SHC3: variants seen among roughly 807,000 people sequenced by gnomAD.
The protein encoded by SHC3 is SHC-transforming protein 3.
A neutral mutation model predicts 60.4 loss-of-function variants in SHC3; 15 were observed. The ratio of observed to expected loss-of-function variants is 0.25; its 90% confidence interval spans 0.17 to 0.38. The LOEUF (loss-of-function observed/expected upper bound fraction) is 0.38, where lower values mean the gene tolerates loss of function less well. Ranked by LOEUF, SHC3 falls within the 10% of genes least tolerant of loss-of-function variation. The probability of loss-of-function intolerance (pLI) is 1.00; values close to 1 mark genes in which losing one functional copy is unlikely to be tolerated. For missense variants in SHC3, 677 were observed against 786.1 expected (o/e 0.86, Z 1.66); for synonymous variants, 294 against 325.9 (o/e 0.90, Z 1.05).
At chr9:89,035,229 C>T (rs1444975973) in intron 11 of SHC3, among the ~76,000 whole-genome samples, 11 of 152,190 alleles carry the variant, frequency 7.2e-5, no homozygotes, top group African/African-American at 4.8e-5. Flanking sequence ...GTCAGCCCCA[C>T]GACCTGGCGT....
Position 89,006,863 on chromosome 9 carries a change from G to A in SHC3, c.*6584C>T, listed in dbSNP as rs1825947804. ...TTTAAAGACGGATTTATCCATTAAT[G>A]CCTGTTTTAATTGTCACTTGATTTT... is the stretch of plus-strand genomic sequence containing the variant. On this transcript the variant is annotated 3_prime_UTR_variant, in exon 12 of 12. Coordinates refer to ENST00000375835, the MANE Select transcript of SHC3 (RefSeq NM_016848.6). 6.6e-6 allele frequency: 1 copy of A among 152,148 alleles called. No homozygotes were observed. Among genetic ancestry groups the A allele is most frequent in the Non-Finnish European group, 1.5e-5 (1 of 68,030 alleles). 9.4% of individuals were successfully genotyped at this position (152,148 alleles called of 1,614,324 possible).
chr9:89,132,430 A>G (rs1458567516), intron 1 of SHC3, among the ~76,000 whole-genome samples: 1 of 152,214 alleles, frequency 6.6e-6, no homozygotes, highest in Non-Finnish European at 1.5e-5. Flanking sequence ...ATATGGAACC[A>G]AAAAAGAGCC....
At chr9:89,105,807 C>T (rs1298735778) in intron 2 of SHC3, among the ~76,000 whole-genome samples, 1 of 152,128 alleles carries the variant, frequency 6.6e-6, no homozygotes. Flanking sequence ...TGCCACATCA[C>T]CACATATTTT....
intron 1 of SHC3, among the ~76,000 whole-genome samples, chr9:89,169,089 C>T (rs1323896531): frequency 1.3e-5 from 2 of 152,214 alleles, no homozygotes; most frequent in African/African-American, 2.4e-5. Context: ...TATAATAAAT[C>T]TCTTTTTTAA....
chr9:89,068,716 G>T (rs895729506), intron 5 of SHC3, among the ~76,000 whole-genome samples: 3 of 151,556 alleles, frequency 2.0e-5, no homozygotes, highest in African/African-American at 7.3e-5. Flanking sequence ...AAAATGTATA[G>T]TCCTATGTGC....
chr9:89,034,301 G>A (rs1824536881), intron 11 of SHC3, among the ~76,000 whole-genome samples: 3 of 152,198 alleles, frequency 2.0e-5, no homozygotes, highest in Non-Finnish European at 4.4e-5. Flanking sequence ...TCTGGACATA[G>A]TAGGCATTCA....
intron 11 of SHC3, among the ~76,000 whole-genome samples, chr9:89,014,730 T>C (rs1826067088): frequency 6.6e-6 from 1 of 152,104 alleles, no homozygotes; most frequent in Non-Finnish European, 1.5e-5. Flanking sequence ...TCCACTAATG[T>C]GGCCACTCTT....
chr9:89,138,956 T>C (rs1323846123), intron 1 of SHC3, among the ~76,000 whole-genome samples: 2 of 151,744 alleles, frequency 1.3e-5, no homozygotes, highest in African/African-American at 4.8e-5. Flanking sequence ...TAAGAAAACA[T>C]TGAGTAAGCT....
chr9:89,139,311 C>T (rs1281374386), intron 1 of SHC3, among the ~76,000 whole-genome samples: 1 of 152,190 alleles, frequency 6.6e-6, no homozygotes, highest in African/African-American at 2.4e-5. Context: ...TACCATAGTT[C>T]TTGAAACATA....
At chr9:89,088,934 A>G (rs1407239459) in intron 2 of SHC3, 1 of 152,334 alleles carries the variant, frequency 6.6e-6, no homozygotes, top group Non-Finnish European at 1.5e-5. Flanking sequence ...GTGAGACCAC[A>G]CCTGCAAGGC....
At chr9:89,130,730 G>T (rs190742814) in intron 1 of SHC3, among the ~76,000 whole-genome samples, 7 of 151,944 alleles carry the variant, frequency 4.6e-5, no homozygotes, top group African/African-American at 1.7e-4. Context: ...GAACAAAGAC[G>T]CAACATACCA....
At chr9:89,029,006 T>C in intron 11 of SHC3, among the ~76,000 whole-genome samples, 1 of 150,310 alleles carries the variant, frequency 6.7e-6, no homozygotes, top group East Asian at 1.9e-4. Flanking sequence ...TAGATATCTA[T>C]AGAGAGAGAT....
intron 1 of SHC3, among the ~76,000 whole-genome samples, chr9:89,138,581 G>A (rs944456407): frequency 1.3e-5 from 2 of 152,144 alleles, no homozygotes; most frequent in Non-Finnish European, 2.9e-5. Context: ...TGTGTCTTGT[G>A]CCAAACTCCT....
At chr9:89,071,062 T>C (rs1825262476) in intron 5 of SHC3, 137 bp downstream of exon 5, 9 of 697,628 alleles carry the variant, frequency 1.3e-5, no homozygotes, top group Non-Finnish European at 2.1e-5. Flanking sequence ...AGATCTTCTA[T>C]GGAAATCAGG....
chr9:89,088,320 G>T (rs2118045023), intron 2 of SHC3, among the ~76,000 whole-genome samples: 1 of 152,232 alleles, frequency 6.6e-6, no homozygotes, highest in African/African-American at 2.4e-5. Flanking sequence ...TGCCTTTCTG[G>T]ACTGAACCAA....
intron 1 of SHC3, among the ~76,000 whole-genome samples, chr9:89,117,153 T>C (rs1826030130): frequency 6.6e-6 from 1 of 152,212 alleles, no homozygotes; most frequent in Non-Finnish European, 1.5e-5. Flanking sequence ...CTGGGCCTAA[T>C]TTCTTGTAGT....
intron 6 of SHC3, among the ~76,000 whole-genome samples, chr9:89,053,491 G>A (rs947419202): frequency 3.3e-5 from 5 of 152,164 alleles, no homozygotes; most frequent in East Asian, 3.9e-4. Flanking sequence ...ACTTTACCCC[G>A]GAGGCAGCCA....
rs1226435538 is a variant in SHC3, at chr9:89,009,811, C to G, written c.*3636G>C. 6.6e-6 allele frequency: 1 copy of G among 152,242 alleles called. No homozygotes were observed. Among genetic ancestry groups the G allele is most frequent in the Non-Finnish European group, 1.5e-5 (1 of 68,062 alleles). 9.4% of individuals were successfully genotyped at this position (152,242 alleles called of 1,614,324 possible). On this transcript the variant is annotated 3_prime_UTR_variant, in exon 12 of 12. Coordinates refer to ENST00000375835, the MANE Select transcript of SHC3 (RefSeq NM_016848.6). ...AGCCAGTTTGGAGGAAATGAGGACC[C>G]AGACGTCCATCTTCAAGCATTGCTT...
At chr9:89,174,521 T>C (rs1377855616) in intron 1 of SHC3, among the ~76,000 whole-genome samples, 2 of 152,260 alleles carry the variant, frequency 1.3e-5, no homozygotes, top group African/African-American at 2.4e-5. Flanking sequence ...GCTCACTGAA[T>C]GCTGACGCTG....
Sources: allele counts gnomAD v4.1 joint callset (sites outside exome capture counted in the v4.1 genomes callset), GRCh38; gene constraint gnomAD v4.1.1; transcripts MANE v1.5; gene names NCBI Gene and HGNC (gene_info 2026-07-23, HGNC 2026-07-21).